SV2C: variants seen among roughly 807,000 people sequenced by gnomAD.
SV2C encodes the protein synaptic vesicle glycoprotein 2C, also known as solute carrier family 22 member B3.
In SV2C, 49 loss-of-function variants were observed where a neutral mutation model predicts 79.7. The observed-to-expected ratio is 0.61, with a 90% CI of 0.49 to 0.78. The LOEUF (loss-of-function observed/expected upper bound fraction) is 0.78, where lower values mean the gene tolerates loss of function less well. Among genes scored for constraint, SV2C ranks in the 30% least tolerant of loss-of-function variants. The pLI, the probability that SV2C is intolerant of heterozygous loss-of-function variation, is 0.00. For missense variants in SV2C, 833 were observed against 912.9 expected, an observed-to-expected ratio of 0.91 and a Z score of 1.13; for synonymous variants, 334 against 333.2, an observed-to-expected ratio of 1.00 and a Z score of -0.03.
the SV2C span, among the ~76,000 whole-genome samples, chr5:76,004,051 G>T: frequency 6.6e-6 from 1 of 150,610 alleles, no homozygotes; most frequent in Non-Finnish European, 1.5e-5. Flanking sequence ...GGAGGGACAA[G>T]GAAAAAAAAA....
chr5:76,048,965 G>GAAAGAA, the SV2C span, among the ~76,000 whole-genome samples: 134 of 58,194 alleles, frequency 2.3e-3, 1 homozygote, highest in African/African-American at 8.2e-3. Flanking sequence ...GAAAGAAAAA[G>GAAAGAA]AGAAAGAAAG....
the SV2C span, among the ~76,000 whole-genome samples, chr5:76,043,962 T>C: frequency 1.1e-4 from 17 of 152,202 alleles, no homozygotes; most frequent in Admixed American, 2.6e-4. Flanking sequence ...GTTTGTTATA[T>C]AGGCAAATGT....
chr5:76,290,100 T>G (rs529448272), intron 6 of SV2C, among the ~76,000 whole-genome samples: 7 of 151,820 alleles, frequency 4.6e-5, no homozygotes, highest in African/African-American at 1.7e-4. Context: ...AAAAAAAAAC[T>G]TTTTAAATCT....
At chr5:76,026,752 G>A in the SV2C span, among the ~76,000 whole-genome samples, 1 of 152,158 alleles carries the variant, frequency 6.6e-6, no homozygotes, top group Non-Finnish European at 1.5e-5. Context: ...TTAAAATAAA[G>A]AGAACAAATA....
the SV2C span, among the ~76,000 whole-genome samples, chr5:75,903,926 C>T: frequency 0.14 from 21,968 of 152,136 alleles, 5,194 homozygotes; most frequent in African/African-American, 0.49. Context: ...GTTTACAACT[C>T]AGTTTTCTAC....
chr5:76,150,177 C>T (rs1407741962), intron 2 of SV2C, among the ~76,000 whole-genome samples: 1 of 151,132 alleles, frequency 6.6e-6, no homozygotes, highest in East Asian at 1.9e-4. Flanking sequence ...TTCTCAGTCC[C>T]TTTATCTGTT....
intron 4 of SV2C, among the ~76,000 whole-genome samples, chr5:76,250,643 A>G (rs1746084092): frequency 6.6e-6 from 1 of 152,240 alleles, no homozygotes; most frequent in African/African-American, 2.4e-5. Context: ...GCCTATCTGC[A>G]CTTGATTGAG....
At chr5:76,126,203 G>A (rs1464626667) in intron 1 of SV2C, among the ~76,000 whole-genome samples, 1 of 152,174 alleles carries the variant, frequency 6.6e-6, no homozygotes, top group Non-Finnish European at 1.5e-5. Flanking sequence ...GAGGAAACCA[G>A]CTACACTTAA....
chr5:76,056,624 CTTT>C, the SV2C span, among the ~76,000 whole-genome samples: 308 of 65,718 alleles, frequency 4.7e-3, 3 homozygotes, highest in African/African-American at 0.017. Flanking sequence ...CCTGGGCTTT[CTTT>C]TTTTTTTTTT....
At chr5:76,221,218 A>ATAGCTCC (rs1745055288) in intron 4 of SV2C, among the ~76,000 whole-genome samples, 1 of 152,190 alleles carries the variant, frequency 6.6e-6, no homozygotes, top group Non-Finnish European at 1.5e-5. Context: ...TAGCTCAGGG[A>ATAGCTCC]ATGGTCAGGA....
At chr5:75,932,931 G>A in the SV2C span, among the ~76,000 whole-genome samples, 1 of 152,240 alleles carries the variant, frequency 6.6e-6, no homozygotes, top group African/African-American at 2.4e-5. Context: ...GATGACAATG[G>A]CATCATAATA....
chr5:76,316,524 C>T (rs952890256), intron 12 of SV2C, among the ~76,000 whole-genome samples: 5 of 152,114 alleles, frequency 3.3e-5, no homozygotes, highest in African/African-American at 9.7e-5. Flanking sequence ...CATGGTTATA[C>T]GTGCACTTTG....
At chr5:75,955,131 C>T in the SV2C span, among the ~76,000 whole-genome samples, 1 of 150,602 alleles carries the variant, frequency 6.6e-6, no homozygotes, top group Non-Finnish European at 1.5e-5. Flanking sequence ...ATCACACTAC[C>T]TGACTTCAAA....
At chr5:76,301,258 C>G in intron 11 of SV2C, 128 bp from the exon 12 acceptor site, 1 of 1,274,636 alleles carries the variant, frequency 7.8e-7, no homozygotes, top group South Asian at 1.5e-5. Context: ...AGTTCTTGAG[C>G]TTTATGGAGC....
At chr5:76,221,772 A>G (rs1745071889) in intron 4 of SV2C, among the ~76,000 whole-genome samples, 1 of 152,088 alleles carries the variant, frequency 6.6e-6, no homozygotes, top group Non-Finnish European at 1.5e-5. Flanking sequence ...TCTTCCCCAA[A>G]CCAAATGTGA....
At chr5:75,900,489 C>G in the SV2C span, among the ~76,000 whole-genome samples, 2 of 152,088 alleles carry the variant, frequency 1.3e-5, no homozygotes, top group African/African-American at 4.8e-5. Flanking sequence ...CTCTGGCTGC[C>G]CTTAACATTT....
chr5:75,976,198 C>A, the SV2C span, among the ~76,000 whole-genome samples: 4 of 152,200 alleles, frequency 2.6e-5, no homozygotes, highest in Non-Finnish European at 4.4e-5. Flanking sequence ...TGTCAGTCTG[C>A]TCATTTCCAT....
intron 4 of SV2C, among the ~76,000 whole-genome samples, chr5:76,228,234 C>T (rs1356510857): frequency 1.3e-5 from 2 of 152,124 alleles, no homozygotes; most frequent in Admixed American, 1.3e-4. Context: ...TATTAAGCGT[C>T]GACTCCAGCC....
chr5:75,958,561 T>C, the SV2C span, among the ~76,000 whole-genome samples: 1 of 152,004 alleles, frequency 6.6e-6, no homozygotes, highest in South Asian at 2.1e-4. Flanking sequence ...TCTTGCATCC[T>C]TCGCCCTGAC....
Sources: gnomAD v4.1 joint callset for allele counts (sites outside exome capture counted in the v4.1 genomes callset) on GRCh38, gnomAD v4.1.1 for gene constraint, MANE v1.5 for transcripts, NCBI Gene and HGNC (gene_info 2026-07-23, HGNC 2026-07-21) for gene names.